TSPAN18: variants seen among roughly 807,000 people sequenced by gnomAD.
The protein encoded by TSPAN18 is tetraspanin-18.
In TSPAN18, 14 loss-of-function variants were observed where a neutral mutation model predicts 27.3. That is an observed-to-expected ratio of 0.51 (90% CI 0.34 to 0.80). The LOEUF (loss-of-function observed/expected upper bound fraction) is 0.80, where lower values mean the gene tolerates loss of function less well. Among genes scored for constraint, TSPAN18 ranks in the 30% least tolerant of loss-of-function variants. TSPAN18 has a pLI of 0.01. For missense variants in TSPAN18, 268 were observed against 323.9 expected, an observed-to-expected ratio of 0.83 and a Z score of 1.32; for synonymous variants, 143 against 136.5, an observed-to-expected ratio of 1.05 and a Z score of -0.33.
At chr11:44,907,748 G>A (rs1040488300) in intron 4 of TSPAN18, among the ~76,000 whole-genome samples, 10 of 152,082 alleles carry the variant, frequency 6.6e-5, no homozygotes, top group Non-Finnish European at 1.3e-4. Context: ...TGGAGGTTGT[G>A]CGGGAGACCA....
intron 3 of TSPAN18, chr11:44,903,919 A>C: frequency 2.2e-6 from 1 of 456,044 alleles, no homozygotes; most frequent in South Asian, 1.6e-5. Flanking sequence ...AAGAGTATTA[A>C]TCTCATGGGT....
At chr11:44,790,423 GCA>G (rs1231538727) in intron 2 of TSPAN18, among the ~76,000 whole-genome samples, 9 of 149,972 alleles carry the variant, frequency 6.0e-5, no homozygotes, top group East Asian at 2.0e-4. Context: ...GCATGTGTGT[GCA>G]TGTGTGTGTA....
chr11:44,826,771 CAG>C, intron 2 of TSPAN18, among the ~76,000 whole-genome samples: 1 of 152,326 alleles, frequency 6.6e-6, no homozygotes, highest in Admixed American at 6.5e-5. Flanking sequence ...TAGACACACA[CAG>C]GGGTTTGGAT....
chr11:44,853,884 A>T (rs1312397252), intron 2 of TSPAN18, among the ~76,000 whole-genome samples: 1 of 152,180 alleles, frequency 6.6e-6, no homozygotes, highest in African/African-American at 2.4e-5. Flanking sequence ...ACATCAGCCC[A>T]GAAGATTAAT....
At chr11:44,813,791 C>G (rs1356829907) in intron 2 of TSPAN18, among the ~76,000 whole-genome samples, 1 of 152,148 alleles carries the variant, frequency 6.6e-6, no homozygotes, top group East Asian at 1.9e-4. Flanking sequence ...GTGCATAGAC[C>G]AGAGGGCAGA....
At chr11:44,857,814 C>G (rs752138235) in intron 2 of TSPAN18, among the ~76,000 whole-genome samples, 7 of 152,208 alleles carry the variant, frequency 4.6e-5, no homozygotes, top group Non-Finnish European at 1.0e-4. Flanking sequence ...CGTGCATTTA[C>G]AACGACACAT....
At chr11:44,761,562 G>T (rs1855456183) in intron 1 of TSPAN18, among the ~76,000 whole-genome samples, 1 of 152,224 alleles carries the variant, frequency 6.6e-6, no homozygotes, top group African/African-American at 2.4e-5. Flanking sequence ...CTGCAGGAAG[G>T]CAAAATTCCA....
At chr11:44,789,720 A>G (rs1383886524) in intron 2 of TSPAN18, among the ~76,000 whole-genome samples, 1 of 152,222 alleles carries the variant, frequency 6.6e-6, no homozygotes, top group African/African-American at 2.4e-5. Flanking sequence ...AAGAAAAAAA[A>G]TACCCCAGAT....
At chr11:44,865,380 G>A (rs1038422021) in intron 3 of TSPAN18, among the ~76,000 whole-genome samples, 12 of 152,206 alleles carry the variant, frequency 7.9e-5, no homozygotes, top group Admixed American at 2.0e-4. Context: ...CTCTGGGCAC[G>A]TGGTAAATGC....
At chr11:44,892,678 T>TG (rs1416040105) in intron 3 of TSPAN18, among the ~76,000 whole-genome samples, 1 of 152,134 alleles carries the variant, frequency 6.6e-6, no homozygotes. Context: ...CCCCGGTCTA[T>TG]GGGGGATGGG....
chr11:44,882,794 C>T (rs1858532840), intron 3 of TSPAN18, among the ~76,000 whole-genome samples: 1 of 152,122 alleles, frequency 6.6e-6, no homozygotes, highest in African/African-American at 2.4e-5. Flanking sequence ...AGCTGGCTGG[C>T]CGTGAAGCCT....
chr11:44,793,462 G>A (rs996367255), intron 2 of TSPAN18, among the ~76,000 whole-genome samples: 6 of 152,288 alleles, frequency 3.9e-5, no homozygotes, highest in African/African-American at 1.4e-4. Context: ...CAGTGACCCA[G>A]GGGTTTCCTG....
chr11:44,733,518 C>T (rs971928831), intron 1 of TSPAN18, among the ~76,000 whole-genome samples: 3 of 152,148 alleles, frequency 2.0e-5, no homozygotes, highest in Non-Finnish European at 4.4e-5. Flanking sequence ...GAACTTTTTC[C>T]AGCATGTCTC....
chr11:44,869,518 CT>C (rs1373470828), intron 3 of TSPAN18, among the ~76,000 whole-genome samples: 2 of 152,240 alleles, frequency 1.3e-5, no homozygotes, highest in Non-Finnish European at 2.9e-5. Flanking sequence ...AGACAGTCTT[CT>C]CAGCAAATGT....
At chr11:44,766,011 C>T (rs1258655685) in intron 2 of TSPAN18, among the ~76,000 whole-genome samples, 7 of 152,202 alleles carry the variant, frequency 4.6e-5, no homozygotes, top group Non-Finnish European at 1.0e-4. Context: ...CCACCTGCTT[C>T]CCTGCCTGGG....
At chr11:44,825,172 A>G (rs1857009542) in intron 2 of TSPAN18, among the ~76,000 whole-genome samples, 1 of 149,648 alleles carries the variant, frequency 6.7e-6, no homozygotes, top group Admixed American at 6.6e-5. Context: ...AAAGGAGGGC[A>G]GAGCTCCCTT....
At chr11:44,735,298 G>C (rs146526075) in intron 1 of TSPAN18, among the ~76,000 whole-genome samples, 71 of 152,348 alleles carry the variant, frequency 4.7e-4, no homozygotes, top group African/African-American at 1.6e-3. Flanking sequence ...ATAGCCCTTT[G>C]AGGCGGCTTA....
At chr11:44,892,462 C>T (rs1403205125) in intron 3 of TSPAN18, among the ~76,000 whole-genome samples, 1 of 152,212 alleles carries the variant, frequency 6.6e-6, no homozygotes, top group East Asian at 1.9e-4. Context: ...TTCTGTGCTC[C>T]CCCCAATTTC....
intron 1 of TSPAN18, among the ~76,000 whole-genome samples, chr11:44,745,271 A>C (rs982714800): frequency 2.6e-5 from 4 of 152,192 alleles, no homozygotes; most frequent in African/African-American, 9.7e-5. Context: ...ATTTTAATAT[A>C]ATTTCATCCT....
Sources: gnomAD v4.1 joint callset for allele counts (sites outside exome capture counted in the v4.1 genomes callset) on GRCh38, gnomAD v4.1.1 for gene constraint, MANE v1.5 for transcripts, NCBI Gene and HGNC (gene_info 2026-07-23, HGNC 2026-07-21) for gene names.